The following PPEF1 variants were observed in gnomAD, a reference collection of about 807,000 sequenced individuals.
PPEF1 encodes the protein serine/threonine-protein phosphatase with EF-hands 1.
In PPEF1, 12 loss-of-function variants were observed where a neutral mutation model predicts 53.3. The observed-to-expected ratio is 0.23, with a 90% CI of 0.14 to 0.36. PPEF1 has a LOEUF of 0.36. PPEF1 is among the 10% of genes least tolerant of loss of function. The pLI is 1.00. For synonymous variants in PPEF1, 165 were observed against 176.7 expected (o/e 0.93, Z 0.52); for missense variants, 334 against 490.4 (o/e 0.68, Z 3.01).
chrX:18,806,011 A>T (rs2046653691), intron 11 of PPEF1, among the ~76,000 whole-genome samples: 1 of 110,148 alleles, frequency 9.1e-6, no homozygotes, highest in East Asian at 2.9e-4. Context: ...AAGCAGAAGA[A>T]AAAAACCGAA....
chrX:18,773,390 G>A (rs1386163329), intron 6 of PPEF1, among the ~76,000 whole-genome samples: 10 of 109,988 alleles, frequency 9.1e-5, no homozygotes, highest in Non-Finnish European at 1.9e-4. Flanking sequence ...CTTTCTTTTT[G>A]TTGCATCTAC....
intron 3 of PPEF1, among the ~76,000 whole-genome samples, chrX:18,737,039 G>T (rs938852346): frequency 1.1e-4 from 12 of 110,965 alleles, no homozygotes; most frequent in Non-Finnish European, 2.1e-4. Context: ...TATTAGTCTT[G>T]CTAGCAGTCT....
intron 1 of PPEF1, among the ~76,000 whole-genome samples, chrX:18,718,609 C>A (rs2044513276): frequency 9.0e-6 from 1 of 111,294 alleles, no homozygotes; most frequent in Non-Finnish European, 1.9e-5. Context: ...AAAACAAAAA[C>A]ACACACACAA....
At chrX:18,700,956 C>A (rs777915858) in intron 6 of PPEF1, among the ~76,000 whole-genome samples, 1 of 112,359 alleles carries the variant, frequency 8.9e-6, no homozygotes, top group South Asian at 3.7e-4. Context: ...CAAGGCATAG[C>A]CTTTTAGTGG....
chrX:18,805,335 A>G (rs1018372492), intron 11 of PPEF1, among the ~76,000 whole-genome samples: 2 of 111,746 alleles, frequency 1.8e-5, no homozygotes, highest in Non-Finnish European at 1.9e-5. Context: ...ATGGACACCA[A>G]GTTGTGTGGC....
chrX:18,811,603 ATATATATATATATTTTTTTTT>A (rs1450679815), intron 12 of PPEF1, among the ~76,000 whole-genome samples: 2 of 20,648 alleles, frequency 9.7e-5, no homozygotes, highest in African/African-American at 1.4e-4. Context: ...ATATATATAT[ATATATATATATATTTTTTTTT>A]TTTTTTTTTT....
At position 18,712,733 on chromosome X, in the gene PPEF1, T is replaced by C. The variant is rs150569063; in HGVS notation, c.46+4907T>C. Reference sequence around the variant, plus strand: ...TTCAGTGTTTCACCAGTAAGTCTTATATCAGCTGTGTCTTTTTCATAGATG... The same window carrying C: ...TTCAGTGTTTCACCAGTAAGTCTTACATCAGCTGTGTCTTTTTCATAGATG... On this transcript the variant is annotated intron_variant, in intron 1 of 15. Transcript: ENST00000470157. Among the ~76,000 whole-genome samples, 736 of 112,226 alleles carry C rather than the reference T, an allele frequency of 6.6e-3. 10 individuals are homozygous for C. Among genetic ancestry groups the C allele is most frequent in the African/African-American group, 0.021 (664 of 31,002 alleles).
chrX:18,770,514 T>C (rs756937329), intron 6 of PPEF1, among the ~76,000 whole-genome samples: 2 of 111,711 alleles, frequency 1.8e-5, no homozygotes, highest in East Asian at 5.6e-4. Flanking sequence ...AGTCTTAATC[T>C]CTTGAAGACA....
rs779102482 is a variant in PPEF1, at chrX:18,694,593, C to T, written c.-312-3252C>T. Among the ~76,000 whole-genome samples the T allele has an allele frequency of 3.6e-5, 4 of 111,176 alleles. No individual in the cohort carries two copies. In the South Asian group the frequency reaches 1.1e-3, roughly 32 times the overall value. On this transcript the variant is annotated intron_variant, in intron 4 of 21. Coordinates refer to the PPEF1 transcript ENST00000361511. ...CCCTACAAAAAATACAAAAATTAGCCGGGCATGGTGGCATGTACCTGTGAT... is the reference window on the plus strand; with the variant it reads ...CCCTACAAAAAATACAAAAATTAGCTGGGCATGGTGGCATGTACCTGTGAT...
Position 18,716,249 on chromosome X carries a change from A to G in PPEF1, c.46+8423A>G, listed in dbSNP as rs748682970. On this transcript the variant is annotated intron_variant, in intron 1 of 15. Transcript: ENST00000470157. ...AATTTAGCTGTTTAAAAATCAAACA[A>G]TCGCCAGGCGCGGTGGCTCACGCCT... 2.7e-5 allele frequency among the ~76,000 whole-genome samples: 3 copies of G among 112,085 alleles called. 1 individual carries two copies. Among genetic ancestry groups the G allele is most frequent in the South Asian group, 7.4e-4 (2 of 2,708 alleles).
In PPEF1 at chrX:18,790,967, G is replaced by A. The variant is rs2046314371; in HGVS notation, c.1065+1694G>A. 2.7e-5 allele frequency among the ~76,000 whole-genome samples: 3 copies of A among 110,874 alleles called. No individual in the cohort carries two copies. The Admixed American group carries it at 2.9e-4, about 11-fold the overall frequency. On this transcript the variant is annotated intron_variant, in intron 10 of 15. Transcript: ENST00000470157. ...ATTACAGGTGTGAGCCACTGTGCCCGGCCACCAGCACCATTTCTTAAAAAG... is the reference window on the plus strand; with the variant it reads ...ATTACAGGTGTGAGCCACTGTGCCCAGCCACCAGCACCATTTCTTAAAAAG...
chrX:18,808,115 C>T (rs190418270), intron 12 of PPEF1, among the ~76,000 whole-genome samples: 60 of 107,677 alleles, frequency 5.6e-4, no homozygotes, highest in East Asian at 4.4e-3. Context: ...TACAGGTGCA[C>T]GCCACCACAC....
At chrX:18,776,875 G>A (rs1056820137) in intron 6 of PPEF1, among the ~76,000 whole-genome samples, 5 of 111,870 alleles carry the variant, frequency 4.5e-5, no homozygotes, top group Non-Finnish European at 9.4e-5. Flanking sequence ...AGCTGAGATC[G>A]CGCCATTGCA....
chrX:18,691,012 A>C (rs1294923103), exon 4 of PPEF1: 5 of 111,848 alleles, frequency 4.5e-5, no homozygotes, highest in Non-Finnish European at 9.4e-5. Context: ...GTCAGGCTGA[A>C]AGAGTCAACA....
intron 10 of PPEF1, among the ~76,000 whole-genome samples, chrX:18,798,334 A>G (rs932052997): frequency 8.9e-6 from 1 of 111,937 alleles, no homozygotes; most frequent in African/African-American, 3.2e-5. Flanking sequence ...CGCCTGGCCA[A>G]AATTGCAATT....
At chrX:18,722,203 C>T (rs2044603164) in intron 1 of PPEF1, among the ~76,000 whole-genome samples, 1 of 112,526 alleles carries the variant, frequency 8.9e-6, no homozygotes, top group South Asian at 3.7e-4. Flanking sequence ...CAGAGTTCAG[C>T]CATATCCTCT....
At chrX:18,826,749 A>T (rs1188568508) in intron 15 of PPEF1, among the ~76,000 whole-genome samples, 3 of 109,845 alleles carry the variant, frequency 2.7e-5, no homozygotes, top group African/African-American at 9.9e-5. Context: ...TTTGATGCAC[A>T]ATTACTTATT....
Position 18,782,363 on chromosome X carries a change from T to A in PPEF1, c.726-3T>A. On this transcript the variant is annotated splice_region_variant and splice_polypyrimidine_tract_variant and intron_variant, in intron 7 of 15. Transcript: ENST00000470157. Reference sequence around the variant, plus strand: ...AAATCATTTAAATCCCATTTTTTTTTAGGTATGGCTTCACGAAAGAAATTT... The same window carrying A: ...AAATCATTTAAATCCCATTTTTTTTAAGGTATGGCTTCACGAAAGAAATTT... 3 of 1,165,427 alleles carry A rather than the reference T, an allele frequency of 2.6e-6. No homozygotes were observed. The highest frequency in any genetic ancestry group is 3.5e-6 in the Non-Finnish European group (3 of 863,269).
chrX:18,708,870 G>A (rs747285141), intron 1 of PPEF1, among the ~76,000 whole-genome samples: 3 of 110,228 alleles, frequency 2.7e-5, no homozygotes, highest in East Asian at 2.8e-4. Flanking sequence ...TGTAGTAGAC[G>A]TTTATTAGCA....
Sources: gnomAD v4.1 joint callset for allele counts (sites outside exome capture counted in the v4.1 genomes callset) on GRCh38, gnomAD v4.1.1 for gene constraint, MANE v1.5 for transcripts, NCBI Gene and HGNC (gene_info 2026-07-23, HGNC 2026-07-21) for gene names.